GFOD1: variants seen among roughly 807,000 people sequenced by gnomAD.
GFOD1 encodes Gfo/Idh/MocA-like oxidoreductase domain containing 1.
GFOD1 carries 9 observed loss-of-function variants against 25.4 expected under a neutral mutation model. The observed-to-expected ratio is 0.35, with a 90% confidence interval of 0.21 to 0.62. GFOD1 has a LOEUF of 0.62. Ranked by LOEUF, GFOD1 falls within the 20% of genes least tolerant of loss-of-function variation. The pLI is 0.72. For synonymous variants in GFOD1, 253 were observed against 245.6 expected, an observed-to-expected ratio of 1.03 and a Z score of -0.28; for missense variants, 403 against 556.9, an observed-to-expected ratio of 0.72 and a Z score of 2.78.
At chr6:13,417,167 CG>C (rs1562212512) in intron 1 of GFOD1, among the ~76,000 whole-genome samples, 2 of 152,180 alleles carry the variant, frequency 1.3e-5, no homozygotes, top group African/African-American at 4.8e-5. Context: ...ACTCCATGTT[CG>C]GGGACTTCGG....
intron 1 of GFOD1, among the ~76,000 whole-genome samples, chr6:13,391,397 C>T (rs945661391): frequency 2.6e-5 from 4 of 151,360 alleles, no homozygotes; most frequent in Non-Finnish European, 5.9e-5. Flanking sequence ...ACTCGGGAGG[C>T]TGAGGCAGGA....
At chr6:13,428,441 G>A (rs1332683217) in intron 1 of GFOD1, among the ~76,000 whole-genome samples, 2 of 152,140 alleles carry the variant, frequency 1.3e-5, no homozygotes, top group Non-Finnish European at 2.9e-5. Context: ...AGGCCCTTGC[G>A]GCCAGCAGTG....
intron 1 of GFOD1, among the ~76,000 whole-genome samples, chr6:13,376,213 G>A (rs372322861): frequency 3.3e-5 from 5 of 152,178 alleles, no homozygotes; most frequent in African/African-American, 1.2e-4. Context: ...TGGGACGGGG[G>A]CAAGAGGTCC....
Position 13,361,024 on chromosome 6 carries a change from A to C in GFOD1, c.*3719T>G, listed in dbSNP as rs1784938619. ...TATAAAAGAAATAGCAATACCCAAC[A>C]CTATAGGGTTGTTTTTATGGATTGT... On this transcript the variant is annotated 3_prime_UTR_variant, in exon 2 of 2. Coordinates refer to ENST00000379287, the MANE Select transcript of GFOD1 (RefSeq NM_018988.4). 1 of 363,996 alleles carries C rather than the reference A, an allele frequency of 2.7e-6. No homozygotes were observed. Among genetic ancestry groups the C allele is most frequent in the African/African-American group, 2.1e-5 (1 of 47,098 alleles). 22.5% of individuals were successfully genotyped at this position (363,996 alleles called of 1,614,324 possible).
intron 1 of GFOD1, among the ~76,000 whole-genome samples, chr6:13,463,110 G>A (rs1758321174): frequency 6.6e-6 from 1 of 152,186 alleles, no homozygotes; most frequent in Non-Finnish European, 1.5e-5. Flanking sequence ...AAAATGCAAA[G>A]CACATTATCT....
chr6:13,423,473 GAC>G (rs2127568705), intron 1 of GFOD1, among the ~76,000 whole-genome samples: 1 of 152,250 alleles, frequency 6.6e-6, no homozygotes, highest in South Asian at 2.1e-4. Context: ...CATGCACCAT[GAC>G]ACACACACAG....
In GFOD1 at chr6:13,487,463, C is replaced by T. The variant is rs1404775649; in HGVS notation, c.-573G>A. 2 of 152,140 alleles carry T rather than the reference C, an allele frequency of 1.3e-5. No homozygotes were observed. The highest frequency in any genetic ancestry group is 2.9e-5 in the Non-Finnish European group (2 of 68,070). 9.4% of individuals were successfully genotyped at this position (152,140 alleles called of 1,614,324 possible). ...CCAGGAGGCCGGCTAAGGATGCGGCCCGGAGCGCGCCGGACTGGGATCCCG... is the reference window on the plus strand; with the variant it reads ...CCAGGAGGCCGGCTAAGGATGCGGCTCGGAGCGCGCCGGACTGGGATCCCG... On this transcript the variant is annotated 5_prime_UTR_variant, in exon 1 of 2. Transcript: ENST00000379287. This position sits in a 1 kb window ranked among gnomAD's most constrained non-coding sequence, Gnocchi z 4.9.
intron 1 of GFOD1, among the ~76,000 whole-genome samples, chr6:13,410,803 G>A (rs1056850550): frequency 2.0e-5 from 3 of 151,578 alleles, no homozygotes; most frequent in Admixed American, 6.6e-5. Flanking sequence ...AGGAGAAAAA[G>A]TGAGGAGAAA....
At chr6:13,466,660 ACTT>A (rs761645373) in intron 1 of GFOD1, among the ~76,000 whole-genome samples, 143 of 152,276 alleles carry the variant, frequency 9.4e-4, no homozygotes, top group Admixed American at 5.9e-4. Context: ...ATGGCACAGT[ACTT>A]CTTCTTTGGC....
chr6:13,459,463 G>T (rs781261895), intron 1 of GFOD1, among the ~76,000 whole-genome samples: 11 of 151,966 alleles, frequency 7.2e-5, no homozygotes, highest in Non-Finnish European at 1.3e-4. Flanking sequence ...ATTTTATGAT[G>T]AAACTGCCAA....
chr6:13,479,301 T>C (rs1004016770), intron 1 of GFOD1, among the ~76,000 whole-genome samples: 9 of 152,172 alleles, frequency 5.9e-5, no homozygotes, highest in Admixed American at 5.9e-4. Context: ...TAGGTCTTTA[T>C]ATTTTCCCTC....
chr6:13,468,841 C>A (rs1758424571), intron 1 of GFOD1, among the ~76,000 whole-genome samples: 1 of 152,008 alleles, frequency 6.6e-6, no homozygotes, highest in East Asian at 1.9e-4. Context: ...TTCACATCAG[C>A]TGCTTGGGAA....
At chr6:13,437,368 C>T (rs1757849422) in intron 1 of GFOD1, among the ~76,000 whole-genome samples, 1 of 152,128 alleles carries the variant, frequency 6.6e-6, no homozygotes, top group Non-Finnish European at 1.5e-5. Context: ...ACCTGAAATC[C>T]CTCCACACTC....
At chr6:13,470,705 T>C (rs1179505720) in intron 1 of GFOD1, 1 of 1,438,556 alleles carries the variant, frequency 7.0e-7, no homozygotes, top group Non-Finnish European at 9.1e-7. Flanking sequence ...TTATTCATAT[T>C]CATGTGGGAG....
intron 1 of GFOD1, among the ~76,000 whole-genome samples, chr6:13,459,159 A>G (rs1405876203): frequency 6.6e-6 from 1 of 152,222 alleles, no homozygotes; most frequent in East Asian, 1.9e-4. Flanking sequence ...CAAAATAGAC[A>G]CATAGACCAA....
intron 1 of GFOD1, among the ~76,000 whole-genome samples, chr6:13,415,928 G>A (rs1025774928): frequency 5.3e-5 from 8 of 152,120 alleles, no homozygotes; most frequent in Non-Finnish European, 1.2e-4. Context: ...CCCATCCCTC[G>A]AGGAATTTAG....
chr6:13,415,216 T>C lies in GFOD1; in HGVS notation c.254-49554A>G, dbSNP rs1213863773. ...CCAACACCTAACTTTTCTCAGGTCC[T>C]CCTAAAGCCAATCCCCTCCCGTCTT... On this transcript the variant is annotated intron_variant, in intron 1 of 1. Coordinates refer to ENST00000379287, the MANE Select transcript of GFOD1 (RefSeq NM_018988.4). 2.0e-5 allele frequency among the ~76,000 whole-genome samples: 3 copies of C among 152,248 alleles called. No individual in the cohort carries two copies. The East Asian group carries it at 5.8e-4, about 29-fold the overall frequency.
chr6:13,443,746 G>A (rs1037996566), intron 1 of GFOD1, among the ~76,000 whole-genome samples: 1 of 150,926 alleles, frequency 6.6e-6, no homozygotes, highest in African/African-American at 2.4e-5. Flanking sequence ...GACCCAGGAG[G>A]CAGAGGTTGC....
chr6:13,477,623 T>C (rs939298181), intron 1 of GFOD1, among the ~76,000 whole-genome samples: 11 of 152,126 alleles, frequency 7.2e-5, no homozygotes, highest in Admixed American at 2.0e-4. Flanking sequence ...CTTCAAAATA[T>C]ATATGTCTTA....
Sources: gnomAD v4.1 joint callset for allele counts (sites outside exome capture counted in the v4.1 genomes callset) on GRCh38, gnomAD v4.1.1 for gene constraint, Gnocchi (gnomAD v3.1) non-coding constraint, MANE v1.5 for transcripts, NCBI Gene and HGNC (gene_info 2026-07-23, HGNC 2026-07-21) for gene names.